The following DEPTOR variants were observed in gnomAD, a reference collection of about 807,000 sequenced individuals.
The protein encoded by DEPTOR is DEP domain-containing mTOR-interacting protein.
A neutral mutation model predicts 41.6 loss-of-function variants in DEPTOR; 41 were observed. That is an observed-to-expected ratio of 0.98 (90% CI 0.77 to 1.28). The LOEUF is 1.28. Among genes scored for constraint, DEPTOR ranks in the 50% most tolerant of loss-of-function variants. The pLI is 0.00. For synonymous variants in DEPTOR, 195 were observed against 192.3 expected (o/e 1.01, Z -0.12); for missense variants, 514 against 527.9 (o/e 0.97, Z 0.26).
At chr8:119,991,172 G>A (rs1277237994) in intron 4 of DEPTOR, among the ~76,000 whole-genome samples, 1 of 148,800 alleles carries the variant, frequency 6.7e-6, no homozygotes, top group Non-Finnish European at 1.5e-5. Context: ...GGTTTGTTAT[G>A]TAAGTAAACA....
chr8:119,875,016 G>T (rs541536317), intron 1 of DEPTOR, among the ~76,000 whole-genome samples: 6 of 151,916 alleles, frequency 3.9e-5, no homozygotes, highest in African/African-American at 1.5e-4. Flanking sequence ...TCTTGCAAAG[G>T]TCTCTGAAGG....
chr8:119,965,836 A>G (rs1289074550), intron 4 of DEPTOR, among the ~76,000 whole-genome samples: 1 of 152,322 alleles, frequency 6.6e-6, no homozygotes, highest in Non-Finnish European at 1.5e-5. Context: ...TTCCTGAACC[A>G]TGATGTAAGC....
At chr8:119,945,926 C>G (rs1336780566) in intron 3 of DEPTOR, among the ~76,000 whole-genome samples, 1 of 152,078 alleles carries the variant, frequency 6.6e-6, no homozygotes, top group African/African-American at 2.4e-5. Flanking sequence ...AAGAGTGATA[C>G]CAGTGGAAGG....
At chr8:119,968,823 T>C (rs1828596075) in intron 4 of DEPTOR, among the ~76,000 whole-genome samples, 1 of 152,128 alleles carries the variant, frequency 6.6e-6, no homozygotes, top group Non-Finnish European at 1.5e-5. Context: ...ATGGTAGGTT[T>C]GGGTTACAGT....
intron 8 of DEPTOR, 119 bp from the exon 9 acceptor site, chr8:120,049,457 G>T: frequency 5.0e-6 from 6 of 1,200,900 alleles, no homozygotes; most frequent in Non-Finnish European, 5.6e-6. Flanking sequence ...TCGTCAGCTG[G>T]ATACATTTGG....
Position 120,002,791 on chromosome 8 carries a change from A to AAAAAAT in DEPTOR, c.791-185_791-184insAAAATA. ...GACTCCATCTCAAAAAAAAAAAAAA[A>AAAAAAT]ATATATATATATATATATATAATAT... is the stretch of plus-strand genomic sequence containing the variant. On this transcript the variant is annotated intron_variant, in intron 5 of 8. Transcript: ENST00000286234. Among the ~76,000 whole-genome samples, 102 of 60,628 alleles carry AAAAAAT rather than the reference A, an allele frequency of 1.7e-3. 1 individual carries two copies. Among genetic ancestry groups the AAAAAAT allele is most frequent in the African/African-American group, 4.0e-3 (53 of 13,208 alleles). 39.8% of individuals were successfully genotyped at this position (60,628 alleles called of 152,430 possible).
chr8:119,895,311 C>T (rs1235358620), intron 1 of DEPTOR, among the ~76,000 whole-genome samples: 1 of 152,176 alleles, frequency 6.6e-6, no homozygotes, highest in African/African-American at 2.4e-5. Context: ...ACATTTCTGT[C>T]CTGTTTGTGT....
At chr8:120,026,292 G>C (rs1812795918) in intron 8 of DEPTOR, among the ~76,000 whole-genome samples, 1 of 151,954 alleles carries the variant, frequency 6.6e-6, no homozygotes, top group Non-Finnish European at 1.5e-5. Flanking sequence ...ACAGCTTGTT[G>C]GTTGGAATTG....
chr8:119,999,424 T>G (rs953133857), intron 4 of DEPTOR, among the ~76,000 whole-genome samples: 2 of 152,238 alleles, frequency 1.3e-5, no homozygotes, highest in Admixed American at 6.5e-5. Context: ...TTGTTATTAC[T>G]GACTTCAAGT....
chr8:119,920,283 A>G (rs1169494977), intron 1 of DEPTOR, among the ~76,000 whole-genome samples: 1 of 152,180 alleles, frequency 6.6e-6, no homozygotes, highest in Non-Finnish European at 1.5e-5. Flanking sequence ...TGAGATTTCT[A>G]TCTCCTACTA....
intron 3 of DEPTOR, among the ~76,000 whole-genome samples, chr8:119,951,691 T>C (rs1390388009): frequency 6.6e-6 from 1 of 152,220 alleles, no homozygotes; most frequent in Non-Finnish European, 1.5e-5. Flanking sequence ...CACTTAGTTT[T>C]TAGTCAGTTG....
At chr8:119,952,321 G>A (rs147836348) in intron 3 of DEPTOR, among the ~76,000 whole-genome samples, 1 of 152,204 alleles carries the variant, frequency 6.6e-6, no homozygotes, top group African/African-American at 2.4e-5. Flanking sequence ...TGACAGCCAG[G>A]CACCTTCTGC....
At chr8:120,036,316 G>C (rs1028108243) in intron 8 of DEPTOR, among the ~76,000 whole-genome samples, 1 of 152,162 alleles carries the variant, frequency 6.6e-6, no homozygotes, top group Non-Finnish European at 1.5e-5. Context: ...CTTATATATG[G>C]TTGGCTTTCT....
chr8:119,893,931 T>C (rs554931878), intron 1 of DEPTOR, among the ~76,000 whole-genome samples: 1 of 152,340 alleles, frequency 6.6e-6, no homozygotes, highest in East Asian at 1.9e-4. Flanking sequence ...CGTGAACTTC[T>C]AAATAGACAG....
At chr8:119,934,228 G>A (rs10505375) in intron 3 of DEPTOR, among the ~76,000 whole-genome samples, 13,975 of 152,210 alleles carry the variant, frequency 0.092, 716 homozygotes, top group South Asian at 0.21. Flanking sequence ...CAGTCTGCTC[G>A]TTGGTAGGAT....
chr8:119,997,565 C>T (rs1812285347), intron 4 of DEPTOR, among the ~76,000 whole-genome samples: 1 of 152,108 alleles, frequency 6.6e-6, no homozygotes, highest in Non-Finnish European at 1.5e-5. Context: ...TGTAGAAATA[C>T]CACTGAATTA....
At chr8:119,928,329 C>A in intron 1 of DEPTOR, 71 bp from the exon 2 acceptor site, 1 of 1,495,924 alleles carries the variant, frequency 6.7e-7, no homozygotes, top group Admixed American at 1.9e-5. Context: ...TATGTTATTA[C>A]TGTCTGGGAT....
chr8:120,020,941 C>A (rs1812696142), intron 8 of DEPTOR, among the ~76,000 whole-genome samples: 1 of 151,698 alleles, frequency 6.6e-6, no homozygotes, highest in African/African-American at 2.4e-5. Flanking sequence ...TGCCTTTAAT[C>A]CCAACTACTC....
chr8:119,886,260 T>C (rs1473828021), intron 1 of DEPTOR, among the ~76,000 whole-genome samples: 1 of 152,224 alleles, frequency 6.6e-6, no homozygotes, highest in Non-Finnish European at 1.5e-5. Context: ...AGAACAGGAA[T>C]GTCAGGCCTC....
Sources: allele counts gnomAD v4.1 joint callset (sites outside exome capture counted in the v4.1 genomes callset), GRCh38; gene constraint gnomAD v4.1.1; transcripts MANE v1.5; gene names NCBI Gene and HGNC (gene_info 2026-07-23, HGNC 2026-07-21).